KIAA1217: variants seen among roughly 807,000 people sequenced by gnomAD.
The protein encoded by KIAA1217 is KIAA1217, also known as sickle tail protein homolog.
A neutral mutation model predicts 163.9 loss-of-function variants in KIAA1217; 88 were observed. The observed-to-expected ratio is 0.54, with a 90% CI of 0.45 to 0.64. The LOEUF is 0.64. Among genes scored for constraint, KIAA1217 ranks in the 30% least tolerant of loss-of-function variants. The probability of loss-of-function intolerance (pLI) is 0.00; values close to 1 mark genes in which losing one functional copy is unlikely to be tolerated. For synonymous variants in KIAA1217, 903 were observed against 923.1 expected, an observed-to-expected ratio of 0.98 and a Z score of 0.39; for missense variants, 2,372 against 2,475.0, an observed-to-expected ratio of 0.96 and a Z score of 0.88.
rs917448122 is a variant in KIAA1217 at position 24,359,034 on chromosome 10, T to C, written c.355-21835T>C. ...ATAGTTAGCCAATGTGTTTGTTCAT[T>C]CTAATACTTTCTTTCTTTCTTTTTT... On this transcript the variant is annotated intron_variant, in intron 2 of 20. Transcript: ENST00000376454. Among the ~76,000 whole-genome samples, 3 of 151,724 alleles carry C rather than the reference T, an allele frequency of 2.0e-5. No homozygotes were observed. In the East Asian group the frequency reaches 5.8e-4, roughly 29 times the overall value.
At chr10:24,389,106 G>A (rs1406213570) in intron 3 of KIAA1217, among the ~76,000 whole-genome samples, 1 of 152,048 alleles carries the variant, frequency 6.6e-6, no homozygotes, top group Non-Finnish European at 1.5e-5. Flanking sequence ...ACACACGTAC[G>A]TTTATTGCAG....
At chr10:23,818,311 A>C (rs1837447705) in intron 1 of KIAA1217, among the ~76,000 whole-genome samples, 1 of 135,422 alleles carries the variant, frequency 7.4e-6, no homozygotes, top group Non-Finnish European at 1.5e-5. Flanking sequence ...AATTATATAT[A>C]TATAACACTA....
At chr10:23,837,213 C>G (rs756118455) in intron 1 of KIAA1217, among the ~76,000 whole-genome samples, 1 of 152,128 alleles carries the variant, frequency 6.6e-6, no homozygotes, top group African/African-American at 2.4e-5. Context: ...ATGGCAGCCT[C>G]TAGGACTGTG....
At chr10:24,322,017 C>T (rs915222842) in intron 2 of KIAA1217, among the ~76,000 whole-genome samples, 1 of 152,070 alleles carries the variant, frequency 6.6e-6, no homozygotes, top group Non-Finnish European at 1.5e-5. Flanking sequence ...GGCCCGATCT[C>T]GGCTCACTGC....
chr10:24,453,677 C>T (rs544217067), intron 5 of KIAA1217, among the ~76,000 whole-genome samples: 1 of 152,280 alleles, frequency 6.6e-6, no homozygotes, highest in African/African-American at 2.4e-5. Context: ...TGTATGACTC[C>T]TCACATTACT....
intron 4 of KIAA1217, among the ~76,000 whole-genome samples, 164 bp downstream of exon 4, chr10:24,433,357 C>T (rs1221486633): frequency 1.3e-5 from 2 of 149,986 alleles, no homozygotes; most frequent in Non-Finnish European, 3.0e-5. Context: ...CCATCATATC[C>T]CTTTCATAGA....
intron 2 of KIAA1217, among the ~76,000 whole-genome samples, chr10:24,135,437 G>C (rs1002522811): frequency 1.3e-5 from 2 of 151,930 alleles, no homozygotes; most frequent in Non-Finnish European, 2.9e-5. Context: ...ATTGGCGTGG[G>C]GACTGGGCGG....
intron 2 of KIAA1217, among the ~76,000 whole-genome samples, chr10:24,305,566 A>G (rs957771664): frequency 6.6e-6 from 1 of 152,152 alleles, no homozygotes; most frequent in South Asian, 2.1e-4. Flanking sequence ...AATCCCCCCC[A>G]TGGTTATCTT....
chr10:24,420,493 G>T (rs1260490970), intron 3 of KIAA1217, among the ~76,000 whole-genome samples: 1 of 152,050 alleles, frequency 6.6e-6, no homozygotes, highest in African/African-American at 2.4e-5. Flanking sequence ...AATGTCTTTT[G>T]TAGTTCAAAA....
intron 1 of KIAA1217, among the ~76,000 whole-genome samples, chr10:23,775,527 G>T (rs992220039): frequency 1.1e-4 from 16 of 152,272 alleles, no homozygotes; most frequent in Middle Eastern, 3.4e-3. Flanking sequence ...TCAGGGCTGT[G>T]CCTGGACCTT....
rs527267808 is a variant in KIAA1217, at chr10:24,286,455, T to C, written c.354+66546T>C. Among the ~76,000 whole-genome samples the C allele has an allele frequency of 7.9e-4, 118 of 150,252 alleles. 1 individual carries two copies. The South Asian group carries it at 0.011, about 14-fold the overall frequency. The stretch of plus-strand genomic sequence containing the variant: ...ACACACACACACGCATATATATATA[T>C]ACACACACACACACACATACACATA... On this transcript the variant is annotated intron_variant, in intron 2 of 20. Transcript: ENST00000376454.
intron 3 of KIAA1217, among the ~76,000 whole-genome samples, chr10:24,390,039 G>A (rs1386409539): frequency 6.6e-6 from 1 of 152,122 alleles, no homozygotes; most frequent in Non-Finnish European, 1.5e-5. Context: ...ACCAAACCAG[G>A]TCTATAGTCA....
At chr10:23,711,244 A>AT (rs1002221437) in intron 1 of KIAA1217, among the ~76,000 whole-genome samples, 1 of 152,274 alleles carries the variant, frequency 6.6e-6, no homozygotes, top group South Asian at 2.1e-4. Context: ...AGCTGTGGCT[A>AT]TTTTACCTCC....
intron 1 of KIAA1217, among the ~76,000 whole-genome samples, chr10:23,732,865 A>G (rs1258446490): frequency 2.6e-5 from 4 of 152,152 alleles, no homozygotes; most frequent in African/African-American, 9.7e-5. Context: ...GAACTTTAAC[A>G]TTGCTCTTTT....
chr10:24,449,276 A>G (rs977386606), intron 5 of KIAA1217, among the ~76,000 whole-genome samples: 2 of 152,138 alleles, frequency 1.3e-5, no homozygotes, highest in Admixed American at 6.5e-5. Flanking sequence ...TCCAAGTGAT[A>G]CAAATCTCAT....
At chr10:24,301,877 T>C (rs2041389227) in intron 2 of KIAA1217, among the ~76,000 whole-genome samples, 1 of 152,076 alleles carries the variant, frequency 6.6e-6, no homozygotes, top group Non-Finnish European at 1.5e-5. Flanking sequence ...AAACCCTGTA[T>C]CTACGAAAAA....
intron 2 of KIAA1217, among the ~76,000 whole-genome samples, chr10:24,123,694 T>A (rs1485409081): frequency 4.6e-5 from 7 of 152,174 alleles, no homozygotes; most frequent in Non-Finnish European, 1.5e-5. Context: ...TAAATCAGAA[T>A]CTGTGGAGAC....
intron 1 of KIAA1217, among the ~76,000 whole-genome samples, chr10:23,721,819 C>T (rs1272592915): frequency 6.6e-6 from 1 of 151,946 alleles, no homozygotes; most frequent in Admixed American, 6.6e-5. Context: ...GTGAGTACTC[C>T]TAATAAAATA....
intron 1 of KIAA1217, among the ~76,000 whole-genome samples, chr10:23,782,168 T>C (rs552077823): frequency 6.6e-6 from 1 of 152,348 alleles, no homozygotes; most frequent in South Asian, 2.1e-4. Context: ...ATATACATTG[T>C]AATAATATTC....
Sources: gnomAD v4.1 joint callset for allele counts (sites outside exome capture counted in the v4.1 genomes callset) on GRCh38, gnomAD v4.1.1 for gene constraint, MANE v1.5 for transcripts, NCBI Gene and HGNC (gene_info 2026-07-23, HGNC 2026-07-21) for gene names.